The following TBCA variants were observed in gnomAD, a reference collection of about 807,000 sequenced individuals.
TBCA encodes the protein tubulin-specific chaperone A.
TBCA carries 6 observed loss-of-function variants against 15.8 expected under a neutral mutation model. The observed-to-expected ratio is 0.38, with a 90% confidence interval of 0.21 to 0.75. The LOEUF is 0.75. Ranked by LOEUF, TBCA falls within the 30% of genes least tolerant of loss-of-function variation. The probability of loss-of-function intolerance (pLI) is 0.46; values close to 1 mark genes in which losing one functional copy is unlikely to be tolerated. For synonymous variants in TBCA, 32 were observed against 42.3 expected, an observed-to-expected ratio of 0.76 and a Z score of 0.94; for missense variants, 90 against 131.2, an observed-to-expected ratio of 0.69 and a Z score of 1.53.
At chr5:77,746,369 T>C (rs1165378555) in intron 1 of TBCA, among the ~76,000 whole-genome samples, 3 of 152,234 alleles carry the variant, frequency 2.0e-5, no homozygotes, top group Non-Finnish European at 4.4e-5. Context: ...GGACATTAAA[T>C]TGTAAATTTT....
chr5:77,760,990 C>A (rs1336640764), intron 1 of TBCA, among the ~76,000 whole-genome samples: 1 of 149,884 alleles, frequency 6.7e-6, no homozygotes, highest in Non-Finnish European at 1.5e-5. Flanking sequence ...CGCCTCTGCC[C>A]GGCCGCCACC....
At chr5:77,697,910 G>A (rs564386968) in intron 2 of TBCA, among the ~76,000 whole-genome samples, 91 of 151,918 alleles carry the variant, frequency 6.0e-4, no homozygotes, top group Non-Finnish European at 1.2e-3. Flanking sequence ...CAGGCAGATC[G>A]CTTGAGCCCA....
intron 1 of TBCA, among the ~76,000 whole-genome samples, chr5:77,772,909 T>G (rs1293230819): frequency 2.6e-5 from 4 of 152,232 alleles, no homozygotes; most frequent in Non-Finnish European, 5.9e-5. Flanking sequence ...GAATATGTAT[T>G]GTCAGCATAT....
chr5:77,769,814 C>T (rs1375743588), intron 1 of TBCA, among the ~76,000 whole-genome samples: 1 of 152,110 alleles, frequency 6.6e-6, no homozygotes, highest in African/African-American at 2.4e-5. Context: ...AACAAAATTG[C>T]AGTGTGAATT....
intron 1 of TBCA, among the ~76,000 whole-genome samples, chr5:77,772,239 C>A (rs1747932251): frequency 6.6e-6 from 1 of 152,068 alleles, no homozygotes; most frequent in Non-Finnish European, 1.5e-5. Context: ...AACTTATGTA[C>A]AGAAAAATAT....
chr5:77,717,567 C>T (rs1176741827), intron 1 of TBCA, among the ~76,000 whole-genome samples: 8 of 152,182 alleles, frequency 5.3e-5, no homozygotes, highest in South Asian at 4.1e-4. Context: ...CAGTGGCTCA[C>T]GCCTGTAATC....
intron 1 of TBCA, among the ~76,000 whole-genome samples, chr5:77,734,819 T>A (rs1462174373): frequency 6.6e-6 from 1 of 152,178 alleles, no homozygotes; most frequent in Non-Finnish European, 1.5e-5. Context: ...GCAATCTTCA[T>A]TGTCTTATTT....
intron 1 of TBCA, among the ~76,000 whole-genome samples, chr5:77,734,274 A>T (rs1746842636): frequency 6.6e-6 from 1 of 152,248 alleles, no homozygotes; most frequent in South Asian, 2.1e-4. Context: ...TATTTAAGAA[A>T]TACATTTTGT....
chr5:77,698,831 CA>C (rs1308443507), intron 2 of TBCA, among the ~76,000 whole-genome samples: 1 of 151,852 alleles, frequency 6.6e-6, no homozygotes, highest in Non-Finnish European at 1.5e-5. Flanking sequence ...TATGCAAGGA[CA>C]GTTAAATATT....
chr5:77,702,694 T>G (rs546617663), intron 2 of TBCA, among the ~76,000 whole-genome samples: 2 of 152,342 alleles, frequency 1.3e-5, no homozygotes, highest in South Asian at 4.1e-4. Context: ...GTTTGAATAC[T>G]GTATTATATT....
rs71608119 is a variant in TBCA at position 77,699,033 on chromosome 5, C to CAAAAAAAAA, written c.160-5690_160-5682dup. On this transcript the variant is annotated intron_variant, in intron 2 of 3. Transcript: ENST00000380377. ...AAAACAATACCATTTGCAAGAGCAT[C>CAAAAAAAAA]AAAAAAAAAAAAAAAAAAAAAAAAA... Among the ~76,000 whole-genome samples, 256 of 70,028 alleles carry CAAAAAAAAA rather than the reference C, an allele frequency of 3.7e-3. 1 individual carries two copies. The highest frequency in any genetic ancestry group is 7.8e-3 in the East Asian group (14 of 1,798). The allele number at this position is 70,028 out of a possible 152,430, so 45.9% of individuals were successfully genotyped here.
At chr5:77,755,251 C>A (rs1461780689) in intron 1 of TBCA, among the ~76,000 whole-genome samples, 2 of 152,180 alleles carry the variant, frequency 1.3e-5, no homozygotes, top group Non-Finnish European at 2.9e-5. Flanking sequence ...TGGGATCTGA[C>A]TCTTCCTCAA....
intron 1 of TBCA, among the ~76,000 whole-genome samples, chr5:77,756,985 AAAAGTAATG>A (rs1453192256): frequency 6.6e-6 from 1 of 152,222 alleles, no homozygotes; most frequent in Non-Finnish European, 1.5e-5. Flanking sequence ...AGAGTGTAAG[AAAAGTAATG>A]AAAGAACAAT....
chr5:77,759,941 T>C (rs1351838211), intron 1 of TBCA, among the ~76,000 whole-genome samples: 1 of 152,230 alleles, frequency 6.6e-6, no homozygotes, highest in Non-Finnish European at 1.5e-5. Flanking sequence ...GTGACTATTC[T>C]ACCTCCTAAG....
intron 1 of TBCA, among the ~76,000 whole-genome samples, chr5:77,761,268 G>C (rs554121327): frequency 3.9e-5 from 6 of 152,194 alleles, no homozygotes; most frequent in African/African-American, 1.4e-4. Context: ...AGACATAGGA[G>C]ACTCCATTTT....
intron 1 of TBCA, among the ~76,000 whole-genome samples, chr5:77,740,233 A>G (rs1747001535): frequency 6.6e-6 from 1 of 152,260 alleles, no homozygotes; most frequent in Non-Finnish European, 1.5e-5. Flanking sequence ...TTATAACCTT[A>G]TAAAGTTATA....
chr5:77,755,364 G>A (rs1747448901), intron 1 of TBCA, among the ~76,000 whole-genome samples: 1 of 150,578 alleles, frequency 6.6e-6, no homozygotes, highest in African/African-American at 2.4e-5. Flanking sequence ...AGATCATGAG[G>A]TCAGGAGCTC....
chr5:77,763,154 G>A (rs1310322371), intron 1 of TBCA, among the ~76,000 whole-genome samples: 2 of 152,192 alleles, frequency 1.3e-5, no homozygotes, highest in Non-Finnish European at 2.9e-5. Context: ...TGAGGCAGGA[G>A]AATGGCGTGA....
intron 1 of TBCA, among the ~76,000 whole-genome samples, chr5:77,764,674 G>C (rs910125943): frequency 3.3e-5 from 5 of 152,144 alleles, no homozygotes; most frequent in Non-Finnish European, 5.9e-5. Flanking sequence ...GCACTTGAAG[G>C]ATTAAATCTC....
Sources: allele counts gnomAD v4.1 joint callset (sites outside exome capture counted in the v4.1 genomes callset), GRCh38; gene constraint gnomAD v4.1.1; transcripts MANE v1.5; gene names NCBI Gene and HGNC (gene_info 2026-07-23, HGNC 2026-07-21).